Variants in IL23R observed in about 807,000 individuals in gnomAD.
IL23R encodes interleukin-23 receptor.
Under a neutral mutation model 56.9 loss-of-function variants are expected in IL23R, and 34 were observed. The ratio of observed to expected loss-of-function variants is 0.60; its 90% CI spans 0.45 to 0.80. The LOEUF is 0.80. Ranked by LOEUF, IL23R falls within the 30% of genes least tolerant of loss-of-function variation. IL23R has a pLI of 0.00. For missense variants in IL23R, 635 were observed against 730.0 expected, an observed-to-expected ratio of 0.87 and a Z score of 1.50; for synonymous variants, 230 against 249.2, an observed-to-expected ratio of 0.92 and a Z score of 0.73.
At chr1:67,176,233 A>C (rs1647006476) in intron 3 of IL23R, among the ~76,000 whole-genome samples, 1 of 152,172 alleles carries the variant, frequency 6.6e-6, no homozygotes, top group African/African-American at 2.4e-5. Context: ...GTTAAGAAAA[A>C]AAGAAAGATA....
rs57455484 is a variant in IL23R at position 67,233,929 on chromosome 1, C to CTGTGTGTG, written c.956-2747_956-2740dup. On this transcript the variant is annotated intron_variant, in intron 7 of 10. Coordinates refer to ENST00000347310, the MANE Select transcript of IL23R (RefSeq NM_144701.3). ...AAAAAACAGTTTCCAGTCATAAAGG[C>CTGTGTGTG]TGTGTGTGTGTGTGTGTGTGTGTGT... Among the ~76,000 whole-genome samples, 60 of 138,766 alleles carry CTGTGTGTG rather than the reference C, an allele frequency of 4.3e-4. No individual in the cohort carries two copies. In the East Asian group the frequency reaches 9.5e-3, roughly 22 times the overall value. The allele number at this position is 138,766 out of a possible 152,430, so 91.0% of individuals were successfully genotyped here. A position where few individuals can be genotyped will look rare whatever the true frequency, so the allele number is the denominator to read the frequency against.
intron 5 of IL23R, among the ~76,000 whole-genome samples, chr1:67,201,139 C>A (rs1005672571): frequency 6.6e-6 from 1 of 151,712 alleles, no homozygotes. Flanking sequence ...GCCGGTGGCT[C>A]ACGCCTGTAA....
intron 1 of IL23R, among the ~76,000 whole-genome samples, chr1:67,155,199 C>T (rs961002739): frequency 6.6e-6 from 1 of 152,110 alleles, no homozygotes; most frequent in Non-Finnish European, 1.5e-5. Flanking sequence ...GTGACCTGGC[C>T]TTTCTCTCTG....
At chr1:67,202,894 C>T (rs1180776158) in intron 5 of IL23R, among the ~76,000 whole-genome samples, 2 of 152,138 alleles carry the variant, frequency 1.3e-5, no homozygotes, top group African/African-American at 4.8e-5. Context: ...GATTTGAAAA[C>T]ACACTCTGTT....
At chr1:67,263,912 A>T (rs927589012), downstream of IL23R, among the ~76,000 whole-genome samples, 1 of 151,610 alleles carries the variant, frequency 6.6e-6, no homozygotes, top group African/African-American at 2.4e-5. Context: ...TGTAAAACGG[A>T]TGAAAGCAAA....
At chr1:67,232,184 TA>T (rs1287175668) in intron 7 of IL23R, among the ~76,000 whole-genome samples, 1 of 152,238 alleles carries the variant, frequency 6.6e-6, no homozygotes, top group Non-Finnish European at 1.5e-5. Flanking sequence ...TACCCTTCTA[TA>T]CTTTTCAAGC....
chr1:67,144,284 T>C (rs1446638520), intron 1 of IL23R, among the ~76,000 whole-genome samples: 1 of 152,242 alleles, frequency 6.6e-6, no homozygotes, highest in Non-Finnish European at 1.5e-5. Context: ...TTTCTTACTT[T>C]GTATATCTCT....
intron 4 of IL23R, among the ~76,000 whole-genome samples, chr1:67,185,480 C>T (rs1415901534): frequency 2.0e-5 from 3 of 152,090 alleles, no homozygotes; most frequent in Admixed American, 6.6e-5. Flanking sequence ...CGGTCTCTGT[C>T]GCCCAGGCTG....
intron 10 of IL23R, 67 bp downstream of exon 10, chr1:67,255,994 A>G: frequency 1.1e-6 from 1 of 879,130 alleles, no homozygotes; most frequent in Non-Finnish European, 1.9e-6. Flanking sequence ...TAATAATTAG[A>G]ATAGAATTTC....
At chr1:67,143,760 T>C (rs955077337) in intron 1 of IL23R, among the ~76,000 whole-genome samples, 1 of 152,206 alleles carries the variant, frequency 6.6e-6, no homozygotes, top group Non-Finnish European at 1.5e-5. Context: ...AAAAAATTTT[T>C]CTATGAAGCT....
intron 7 of IL23R, among the ~76,000 whole-genome samples, chr1:67,225,311 A>G (rs1031671042): frequency 3.3e-5 from 5 of 152,224 alleles, no homozygotes; most frequent in Non-Finnish European, 5.9e-5. Flanking sequence ...ATGAAACCAT[A>G]GTACTATAGG....
intron 1 of IL23R, among the ~76,000 whole-genome samples, chr1:67,143,231 G>A (rs1646653954): frequency 6.6e-6 from 1 of 152,100 alleles, no homozygotes; most frequent in African/African-American, 2.4e-5. Flanking sequence ...TGAGTAGCAT[G>A]GCTTTTAACA....
intron 5 of IL23R, among the ~76,000 whole-genome samples, chr1:67,204,818 A>T (rs1265189367): frequency 6.7e-6 from 1 of 148,336 alleles, no homozygotes; most frequent in African/African-American, 2.5e-5. Context: ...TTGCTCTGTT[A>T]CCCAGGCTGG....
At chr1:67,162,382 G>A (rs1646830010), upstream of IL23R, among the ~76,000 whole-genome samples, 1 of 152,038 alleles carries the variant, frequency 6.6e-6, no homozygotes, top group Non-Finnish European at 1.5e-5. Flanking sequence ...AGCTACTCAG[G>A]AGGCTGAGGC....
At chr1:67,248,982 A>G (rs1274360178) in intron 9 of IL23R, among the ~76,000 whole-genome samples, 1 of 145,738 alleles carries the variant, frequency 6.9e-6, no homozygotes, top group Non-Finnish European at 1.5e-5. Context: ...CCCCCCCTCC[A>G]TGAGCTGTAC....
intron 3 of IL23R, among the ~76,000 whole-genome samples, chr1:67,174,900 C>G (rs1646988323): frequency 6.6e-6 from 1 of 152,124 alleles, no homozygotes; most frequent in African/African-American, 2.4e-5. Context: ...GCAAGATGGC[C>G]ACCAGCAACT....
chr1:67,233,610 C>T (rs982473811), intron 7 of IL23R, among the ~76,000 whole-genome samples: 1 of 152,098 alleles, frequency 6.6e-6, no homozygotes, highest in East Asian at 1.9e-4. Context: ...CCATATTTCT[C>T]GTTTGAGATC....
At chr1:67,149,382 C>A (rs1646709096) in intron 1 of IL23R, among the ~76,000 whole-genome samples, 1 of 152,134 alleles carries the variant, frequency 6.6e-6, no homozygotes. Flanking sequence ...TTTAGAGTTC[C>A]TAGCTGCAGT....
At chr1:67,179,635 C>T (rs1044450510) in intron 3 of IL23R, among the ~76,000 whole-genome samples, 3 of 151,978 alleles carry the variant, frequency 2.0e-5, no homozygotes, top group African/African-American at 7.2e-5. Flanking sequence ...CTGCTCTGAT[C>T]TTAGTTATTT....
Sources: gnomAD v4.1 joint callset for allele counts (sites outside exome capture counted in the v4.1 genomes callset) on GRCh38, gnomAD v4.1.1 for gene constraint, MANE v1.5 for transcripts, NCBI Gene and HGNC (gene_info 2026-07-23, HGNC 2026-07-21) for gene names.